The following ZMYM4 variants were observed in gnomAD, a reference collection of about 807,000 sequenced individuals.
ZMYM4 encodes zinc finger MYM-type protein 4.
Under a neutral mutation model 183.2 loss-of-function variants are expected in ZMYM4, and 31 were observed. The observed-to-expected ratio is 0.17, with a 90% CI of 0.13 to 0.23. The LOEUF (loss-of-function observed/expected upper bound fraction) is 0.23, where lower values mean the gene tolerates loss of function less well. ZMYM4 is among the 10% of genes least tolerant of loss of function. ZMYM4 has a pLI of 1.00. For missense variants in ZMYM4, 1,273 were observed against 1,840.3 expected (o/e 0.69, Z 5.64); for synonymous variants, 592 against 631.2 (o/e 0.94, Z 0.93).
At chr1:35,362,898 G>A (rs114314280) in intron 5 of ZMYM4, among the ~76,000 whole-genome samples, 1,524 of 152,216 alleles carry the variant, frequency 0.01, 11 homozygotes, top group Non-Finnish European at 0.015. Flanking sequence ...GGGGCCAGAC[G>A]TGATGGCTCA....
chr1:35,401,558 C>T (rs1339475232), intron 23 of ZMYM4, among the ~76,000 whole-genome samples: 1 of 151,904 alleles, frequency 6.6e-6, no homozygotes, highest in East Asian at 1.9e-4. Flanking sequence ...AACGTTTGGT[C>T]CTATTTTGTT....
At chr1:35,311,892 T>TTTTTCC (rs1641818777) in intron 1 of ZMYM4, among the ~76,000 whole-genome samples, 1 of 152,176 alleles carries the variant, frequency 6.6e-6, no homozygotes, top group Admixed American at 6.6e-5. Context: ...TTTCTTTTTC[T>TTTTTCC]TTTTCCTTTT....
At chr1:35,416,297 A>G (rs988048064) in intron 28 of ZMYM4, among the ~76,000 whole-genome samples, 2 of 152,222 alleles carry the variant, frequency 1.3e-5, no homozygotes, top group African/African-American at 4.8e-5. Context: ...TTGGTATTAT[A>G]GGATTAGAAA....
In ZMYM4 at chr1:35,328,875, C is replaced by T. The variant is rs570390255; in HGVS notation, c.85+3470C>T. On this transcript the variant is annotated intron_variant, in intron 2 of 29. Transcript: ENST00000314607. ...AGCCCTCCCATTTTGTCTTGGGATT[C>T]ATGTCTAGAAAAAAAGATTAACTGT... 6.6e-5 allele frequency among the ~76,000 whole-genome samples: 10 copies of T among 152,158 alleles called. No individual in the cohort carries two copies. In the South Asian group the frequency reaches 2.1e-3, roughly 32 times the overall value.
chr1:35,354,041 T>C (rs1449955022), intron 2 of ZMYM4, among the ~76,000 whole-genome samples: 9 of 151,886 alleles, frequency 5.9e-5, no homozygotes, highest in Admixed American at 5.9e-4. Flanking sequence ...CTCAGCTATT[T>C]GGGAGGCTGA....
intron 26 of ZMYM4, among the ~76,000 whole-genome samples, chr1:35,411,369 A>T (rs1289497094): frequency 6.6e-6 from 1 of 151,638 alleles, no homozygotes; most frequent in South Asian, 2.1e-4. Context: ...GTTAGCCAGG[A>T]TGGTCTCGAT....
intron 1 of ZMYM4, among the ~76,000 whole-genome samples, chr1:35,300,973 C>T (rs1641252109): frequency 6.6e-6 from 1 of 152,088 alleles, no homozygotes; most frequent in Non-Finnish European, 1.5e-5. Context: ...GTGGCCTCTA[C>T]CTAGTTGGGT....
At chr1:35,351,016 G>T (rs1048209659) in intron 2 of ZMYM4, 10 of 901,218 alleles carry the variant, frequency 1.1e-5, no homozygotes, top group Non-Finnish European at 1.6e-5. Context: ...GCAGCGCATT[G>T]TACTGGCCTG....
intron 15 of ZMYM4, among the ~76,000 whole-genome samples, chr1:35,390,526 A>G (rs1644681904): frequency 1.3e-5 from 2 of 152,234 alleles, no homozygotes; most frequent in East Asian, 3.9e-4. Flanking sequence ...AGGTAATGTC[A>G]TCAGTTAAGG....
Position 35,408,170 on chromosome 1 carries a change from A to C in ZMYM4, c.3948+11A>C. The C allele has an allele frequency of 1.2e-6, 2 of 1,614,050 alleles. No individual in the cohort carries two copies. Among genetic ancestry groups the C allele is most frequent in the South Asian group, 1.1e-5 (1 of 91,068 alleles). ...CTTGGAATTCAACAGGTATCAAGTTAAACATATGGATTCTTCAACCTAGCA... is the reference window on the plus strand; with the variant it reads ...CTTGGAATTCAACAGGTATCAAGTTCAACATATGGATTCTTCAACCTAGCA... On this transcript the variant is annotated intron_variant, in intron 26 of 29. Coordinates refer to ENST00000314607, the MANE Select transcript of ZMYM4 (RefSeq NM_005095.3).
intron 5 of ZMYM4, among the ~76,000 whole-genome samples, chr1:35,362,298 T>C (rs1244053567): frequency 1.3e-5 from 2 of 152,204 alleles, no homozygotes; most frequent in Non-Finnish European, 2.9e-5. Context: ...GATACATGAT[T>C]CCAAGTTTGA....
Position 35,398,985 on chromosome 1 carries a change from A to T in ZMYM4, c.3375A>T (p.Glu1125Asp), listed in dbSNP as rs765372372. 1 of 1,614,164 alleles carries T rather than the reference A, an allele frequency of 6.2e-7. No homozygotes were observed. The highest frequency in any genetic ancestry group is 8.5e-7 in the Non-Finnish European group (1 of 1,180,006). Residue 1125 changes from glutamate (E) to aspartate (D), a missense_variant, in exon 22 of 30, where the codon GAA becomes GAT. By Grantham distance (45) the Glu-to-Asp change is conservative. Transcript: ENST00000314607. ...ATGCTGTGCAAGAGGCTGATTCAGA[A>T]TTGAAGCAGTTCTCAAAAGGGGAAA... ...KSNAVQEADSELKQFSKGETE... is the reference protein window; with the variant it reads ...KSNAVQEADSDLKQFSKGETE...
At chr1:35,339,692 G>A (rs1643125358) in intron 2 of ZMYM4, among the ~76,000 whole-genome samples, 1 of 152,124 alleles carries the variant, frequency 6.6e-6, no homozygotes, top group African/African-American at 2.4e-5. Context: ...GATATGGAGG[G>A]ATGACTGTAT....
In ZMYM4 at chr1:35,359,371, G is replaced by T; in HGVS notation, c.532G>T (p.Glu178Ter). Residue 178 changes from glutamate to a stop codon, truncating the protein, a stop_gained, in exon 3 of 30, where the codon GAA becomes TAA. Coordinates refer to ENST00000314607, the MANE Select transcript of ZMYM4 (RefSeq NM_005095.3). LOFTEE classifies it high-confidence loss of function. ...GKEKNRDLTY[E>*]REKRLDKPHK... Reference sequence around the variant, plus strand: ...GGAGAAAAATAGAGACCTAACTTATGAACGTGAAAAACGGTTGGATAAACC... The same window carrying T: ...GGAGAAAAATAGAGACCTAACTTATTAACGTGAAAAACGGTTGGATAAACC... 1.2e-6 allele frequency: 2 copies of T among 1,600,682 alleles called. No homozygotes were observed. The highest frequency in any genetic ancestry group is 2.3e-5 in the South Asian group (2 of 87,300).
chr1:35,363,627 T>C (rs1329115505), intron 5 of ZMYM4, among the ~76,000 whole-genome samples: 1 of 151,176 alleles, frequency 6.6e-6, no homozygotes. Flanking sequence ...GTGATAAAGC[T>C]ATAGGAGTTG....
intron 1 of ZMYM4, among the ~76,000 whole-genome samples, chr1:35,273,977 G>A (rs1639743175): frequency 1.3e-5 from 2 of 152,120 alleles, no homozygotes; most frequent in Admixed American, 6.5e-5. Flanking sequence ...TGAAAGCATT[G>A]ACTTCATGAT....
Position 35,393,716 on chromosome 1 carries a change from C to A in ZMYM4, c.2888C>A (p.Thr963Asn). The change falls in exon 18 of 30, where the codon ACC (threonine) becomes AAC (asparagine). Residue 963 changes from threonine (T) to asparagine (N), a missense_variant. This residue lies in a region of ZMYM4 where 290 missense variants were observed against 353.3 expected (regional missense o/e 0.82). Transcript: ENST00000314607. The part of the protein sequence containing the change: ...QTKATSCKPH[T>N]QNKECQTEDT... Reference sequence around the variant, plus strand: ...AAAGCCACCTCTTGCAAACCACATACCCAAAACAAAGAATGCCAGACAGGT... The same window carrying A: ...AAAGCCACCTCTTGCAAACCACATAACCAAAACAAAGAATGCCAGACAGGT... The A allele has an allele frequency of 6.2e-7, 1 of 1,608,954 alleles. No individual in the cohort carries two copies. The highest frequency in any genetic ancestry group is 8.5e-7 in the Non-Finnish European group (1 of 1,177,626).
At chr1:35,329,273 C>T (rs981381608) in intron 2 of ZMYM4, among the ~76,000 whole-genome samples, 1 of 152,168 alleles carries the variant, frequency 6.6e-6, no homozygotes, top group Non-Finnish European at 1.5e-5. Flanking sequence ...CAAGTTTGTT[C>T]TCCTGTGTCA....
chr1:35,322,460 T>C (rs1642324018), intron 1 of ZMYM4, among the ~76,000 whole-genome samples: 1 of 152,160 alleles, frequency 6.6e-6, no homozygotes, highest in African/African-American at 2.4e-5. Context: ...GGGATTAATG[T>C]TGATGTGAAG....
Sources: gnomAD v4.1 joint callset for allele counts (sites outside exome capture counted in the v4.1 genomes callset) on GRCh38, gnomAD v4.1.1 for gene constraint, gnomAD v4.1.1 regional missense constraint, MANE v1.5 for transcripts, NCBI Gene and HGNC (gene_info 2026-07-23, HGNC 2026-07-21) for gene names.